The following BRD4 variants were observed in gnomAD, a reference collection of about 807,000 sequenced individuals.
BRD4 encodes the protein bromodomain-containing protein 4.
BRD4 carries 16 observed loss-of-function variants against 142.1 expected under a neutral mutation model. That is an observed-to-expected ratio of 0.11 (90% CI 0.08 to 0.17). BRD4 has a LOEUF of 0.17. BRD4 is among the 10% of genes least tolerant of loss of function. The pLI is 1.00. For synonymous variants in BRD4, 833 were observed against 707.5 expected (o/e 1.18, Z -2.82); for missense variants, 1,424 against 1,810.9 (o/e 0.79, Z 3.88).
intron 1 of BRD4, among the ~76,000 whole-genome samples, chr19:15,296,379 C>T (rs1026161485): frequency 2.6e-5 from 4 of 152,238 alleles, no homozygotes; most frequent in African/African-American, 9.6e-5. Context: ...ATCTACCACA[C>T]TGTAATGCTG....
intron 1 of BRD4, among the ~76,000 whole-genome samples, chr19:15,298,886 C>A (rs1208529278): frequency 1.3e-5 from 2 of 152,124 alleles, no homozygotes; most frequent in Non-Finnish European, 2.9e-5. Context: ...CATCCCCAAG[C>A]AGCCCAGGAT....
rs556012663 is a variant in BRD4 at position 15,273,277 on chromosome 19, C to T, written c.-34-144G>A. ...AGTTGGCCAGAGGGACCACCCCATG[C>T]TTTGACTGAAAGGGTTCCAATGTCT... On this transcript the variant is annotated intron_variant, in intron 1 of 19. Coordinates refer to ENST00000679869, the MANE Select transcript of BRD4 (RefSeq NM_001379291.1). 1,541 of 748,304 alleles carry T rather than the reference C, an allele frequency of 2.1e-3. 4 individuals carry two copies. The highest frequency in any genetic ancestry group is 2.3e-3 in the Non-Finnish European group (1,106 of 477,820). 46.4% of individuals were successfully genotyped at this position (748,304 alleles called of 1,614,324 possible). A position where few individuals can be genotyped will look rare whatever the true frequency, so the allele number is the denominator to read the frequency against.
chr19:15,295,501 T>C (rs1243649797), intron 1 of BRD4, among the ~76,000 whole-genome samples: 2 of 152,228 alleles, frequency 1.3e-5, no homozygotes, highest in African/African-American at 4.8e-5. Flanking sequence ...ATTTGCCTTA[T>C]CACAATCACA....
In BRD4 at chr19:15,301,974, C is replaced by T. The variant is rs150554178; in HGVS notation, c.-34-28841G>A. Among the ~76,000 whole-genome samples, 3 of 152,012 alleles carry T rather than the reference C, an allele frequency of 2.0e-5. No individual in the cohort carries two copies. The East Asian group carries it at 5.8e-4, about 29-fold the overall frequency. ...TTGAGGTCAGGAGTTTGAGACCAGCCTGGCCAACATGGTAAAACTCCATCT... is the reference window on the plus strand; with the variant it reads ...TTGAGGTCAGGAGTTTGAGACCAGCTTGGCCAACATGGTAAAACTCCATCT... On this transcript the variant is annotated intron_variant, in intron 1 of 19. Coordinates refer to ENST00000679869, the MANE Select transcript of BRD4 (RefSeq NM_001379291.1).
intron 1 of BRD4, among the ~76,000 whole-genome samples, chr19:15,321,992 CAAAG>C (rs1207429024): frequency 1.3e-5 from 2 of 152,196 alleles, no homozygotes; most frequent in East Asian, 3.9e-4. Flanking sequence ...GGGCAAATGA[CAAAG>C]AAACAGATCA....
At chr19:15,281,677 G>A (rs1205113476) in intron 1 of BRD4, among the ~76,000 whole-genome samples, 1 of 152,214 alleles carries the variant, frequency 6.6e-6, no homozygotes, top group African/African-American at 2.4e-5. Flanking sequence ...AAATGTTCCT[G>A]TGAGAAGCAT....
intron 1 of BRD4, among the ~76,000 whole-genome samples, chr19:15,325,394 T>G (rs1320718799): frequency 1.3e-5 from 2 of 152,172 alleles, no homozygotes; most frequent in African/African-American, 4.8e-5. Context: ...GCATTCCAGT[T>G]AAGACTGGAC....
intron 11 of BRD4, chr19:15,249,436 C>T: frequency 6.9e-7 from 1 of 1,441,372 alleles, no homozygotes; most frequent in South Asian, 1.2e-5. Context: ...AGACTGGAGC[C>T]CTGCCCCGTG....
At chr19:15,288,370 A>G (rs1489152184) in intron 1 of BRD4, among the ~76,000 whole-genome samples, 1 of 152,218 alleles carries the variant, frequency 6.6e-6, no homozygotes, top group Non-Finnish European at 1.5e-5. Flanking sequence ...TCTGCCCTCC[A>G]GACTGGTGAC....
At chr19:15,311,408 G>C (rs1196507447) in intron 1 of BRD4, among the ~76,000 whole-genome samples, 1 of 152,198 alleles carries the variant, frequency 6.6e-6, no homozygotes. Flanking sequence ...ATCAACAAAG[G>C]AGTGGAATTC....
intron 7 of BRD4, 136 bp from the exon 8 acceptor site, chr19:15,257,309 T>G: frequency 4.7e-6 from 4 of 844,556 alleles, no homozygotes; most frequent in East Asian, 2.7e-5. Context: ...TCCTGTCTCT[T>G]TGCTGCCGAG....
chr19:15,251,622 C>T (rs971821508), intron 11 of BRD4, among the ~76,000 whole-genome samples: 65 of 152,126 alleles, frequency 4.3e-4, no homozygotes, highest in African/African-American at 1.4e-3. Flanking sequence ...AGGAGCTACG[C>T]CCCCTCTGCC....
At chr19:15,278,243 A>C (rs753335714) in intron 1 of BRD4, among the ~76,000 whole-genome samples, 1 of 151,842 alleles carries the variant, frequency 6.6e-6, no homozygotes, top group Non-Finnish European at 1.5e-5. Context: ...CCTATTAGAA[A>C]GTAACTATGG....
chr19:15,324,469 G>A (rs2048091118), intron 1 of BRD4, among the ~76,000 whole-genome samples: 1 of 152,204 alleles, frequency 6.6e-6, no homozygotes, highest in African/African-American at 2.4e-5. Context: ...TCGGCAGTAT[G>A]CCAGACTCCC....
intron 14 of BRD4, among the ~76,000 whole-genome samples, chr19:15,241,648 T>C (rs1051080212): frequency 5.9e-5 from 9 of 152,110 alleles, no homozygotes; most frequent in Admixed American, 6.5e-5. Context: ...CTAAATGCCT[T>C]GCATCCCCTG....
At chr19:15,250,272 T>C (rs964693206) in intron 11 of BRD4, among the ~76,000 whole-genome samples, 2 of 152,198 alleles carry the variant, frequency 1.3e-5, no homozygotes, top group African/African-American at 4.8e-5. Flanking sequence ...GAAAGGCTAC[T>C]GCCCTATCTT....
At chr19:15,243,749 G>A (rs576725925) in intron 13 of BRD4, among the ~76,000 whole-genome samples, 33 of 152,228 alleles carry the variant, frequency 2.2e-4, no homozygotes, top group African/African-American at 7.9e-4. Context: ...GGCCCTTCAC[G>A]CCTCAGTGCA....
chr19:15,329,767 T>C (rs1432927986), intron 1 of BRD4, among the ~76,000 whole-genome samples: 2 of 152,070 alleles, frequency 1.3e-5, no homozygotes, highest in Admixed American at 1.3e-4. Flanking sequence ...CAAAACAAAA[T>C]TCAATCTCTT....
intron 10 of BRD4, 35 bp downstream of exon 10, chr19:15,255,262 A>AG: frequency 6.3e-7 from 1 of 1,588,556 alleles, no homozygotes; most frequent in East Asian, 2.2e-5. Context: ...GGGTGCCCAC[A>AG]GAAGGAACCC....
Sources: gnomAD v4.1 joint callset for allele counts (sites outside exome capture counted in the v4.1 genomes callset) on GRCh38, gnomAD v4.1.1 for gene constraint, MANE v1.5 for transcripts, NCBI Gene and HGNC (gene_info 2026-07-23, HGNC 2026-07-21) for gene names.